Variants in SUGCT observed in about 807,000 individuals in gnomAD.
The protein encoded by SUGCT is succinyl-CoA:glutarate-CoA transferase.
In SUGCT, 41 loss-of-function variants were observed where a neutral mutation model predicts 55.0. The ratio of observed to expected loss-of-function variants is 0.74; its 90% CI spans 0.58 to 0.97. The LOEUF (loss-of-function observed/expected upper bound fraction) is 0.97. SUGCT is among the 50% of genes least tolerant of loss of function. The pLI is 0.00. For synonymous variants in SUGCT, 187 were observed against 200.4 expected, an observed-to-expected ratio of 0.93 and a Z score of 0.56; for missense variants, 568 against 547.8, an observed-to-expected ratio of 1.04 and a Z score of -0.37.
At chr7:40,426,832 GAGAT>G (rs530643004) in intron 9 of SUGCT, among the ~76,000 whole-genome samples, 111 of 152,030 alleles carry the variant, frequency 7.3e-4, no homozygotes, top group African/African-American at 2.6e-3. Context: ...TTTTTTTTAA[GAGAT>G]AGGGTCTTGC....
intron 13 of SUGCT, among the ~76,000 whole-genome samples, chr7:40,787,452 C>T (rs967629477): frequency 6.6e-6 from 1 of 151,276 alleles, no homozygotes; most frequent in Non-Finnish European, 1.5e-5. Context: ...TCAGCACATA[C>T]GGGGCCAAGA....
chr7:40,986,227 A>T, the SUGCT span, among the ~76,000 whole-genome samples: 1 of 152,200 alleles, frequency 6.6e-6, no homozygotes, highest in Non-Finnish European at 1.5e-5. Context: ...ATGTTCAATG[A>T]TTTATTTAAG....
intron 13 of SUGCT, among the ~76,000 whole-genome samples, chr7:40,777,956 C>T (rs1789547129): frequency 6.6e-6 from 1 of 152,138 alleles, no homozygotes; most frequent in Non-Finnish European, 1.5e-5. Context: ...CATAGTCACT[C>T]CCCTCCTCAG....
At chr7:41,036,392 C>T in the SUGCT span, among the ~76,000 whole-genome samples, 16 of 152,104 alleles carry the variant, frequency 1.1e-4, no homozygotes, top group Non-Finnish European at 5.9e-5. Flanking sequence ...GACAAACAAC[C>T]TGGGTTCTAA....
chr7:40,960,774 A>G, the SUGCT span, among the ~76,000 whole-genome samples: 1 of 152,206 alleles, frequency 6.6e-6, no homozygotes, highest in East Asian at 1.9e-4. Flanking sequence ...AGTCTTCAGC[A>G]TTACATCTCA....
At chr7:40,552,042 G>A (rs1319211256) in intron 12 of SUGCT, among the ~76,000 whole-genome samples, 2 of 152,118 alleles carry the variant, frequency 1.3e-5, no homozygotes, top group Non-Finnish European at 2.9e-5. Context: ...CATCTATGAG[G>A]TGCTAGAGAA....
At chr7:40,275,690 C>CT (rs1332612570) in intron 8 of SUGCT, among the ~76,000 whole-genome samples, 22 of 151,294 alleles carry the variant, frequency 1.5e-4, no homozygotes, top group Non-Finnish European at 2.4e-4. Context: ...TAAAGATACA[C>CT]TTTTTTTTTC....
chr7:40,269,104 G>T (rs902970797), intron 7 of SUGCT, among the ~76,000 whole-genome samples: 12 of 152,114 alleles, frequency 7.9e-5, no homozygotes, highest in Non-Finnish European at 1.8e-4. Flanking sequence ...CATCCTTCTT[G>T]ACACTTGTTA....
chr7:40,568,404 A>T (rs941803700), intron 12 of SUGCT, among the ~76,000 whole-genome samples: 21 of 152,170 alleles, frequency 1.4e-4, no homozygotes, highest in African/African-American at 4.6e-4. Context: ...GAAACCTATA[A>T]GGTTTTGTAC....
At chr7:40,583,398 A>G (rs1435929720) in intron 12 of SUGCT, among the ~76,000 whole-genome samples, 6 of 152,018 alleles carry the variant, frequency 3.9e-5, no homozygotes, top group Non-Finnish European at 1.5e-5. Context: ...TTTTCTAATG[A>G]ATACTTTTAG....
intron 10 of SUGCT, among the ~76,000 whole-genome samples, chr7:40,453,910 C>T (rs1454560302): frequency 1.3e-5 from 2 of 152,052 alleles, no homozygotes; most frequent in Non-Finnish European, 2.9e-5. Context: ...ACAAGCATCA[C>T]AAACACTGTT....
At chr7:40,955,252 G>T in the SUGCT span, among the ~76,000 whole-genome samples, 2 of 152,114 alleles carry the variant, frequency 1.3e-5, no homozygotes, top group Non-Finnish European at 2.9e-5. Flanking sequence ...TCACAATATT[G>T]ATTCTTCCTA....
At chr7:40,701,894 C>T (rs376854809) in intron 12 of SUGCT, among the ~76,000 whole-genome samples, 7 of 152,304 alleles carry the variant, frequency 4.6e-5, no homozygotes, top group African/African-American at 1.7e-4. Flanking sequence ...GCTCTAAAAA[C>T]TTAGCCTCAG....
At chr7:40,165,326 G>A (rs1297130506) in intron 1 of SUGCT, among the ~76,000 whole-genome samples, 1 of 151,966 alleles carries the variant, frequency 6.6e-6, no homozygotes, top group African/African-American at 2.4e-5. Flanking sequence ...CACTTGTGTG[G>A]GCATCTGTCA....
At chr7:40,350,715 A>T (rs1011104527) in intron 9 of SUGCT, among the ~76,000 whole-genome samples, 1 of 152,068 alleles carries the variant, frequency 6.6e-6, no homozygotes, top group South Asian at 2.1e-4. Flanking sequence ...ATAGGTATAC[A>T]GGTGCCGTGG....
chr7:40,382,521 G>A (rs778327405), intron 9 of SUGCT, among the ~76,000 whole-genome samples: 7 of 152,116 alleles, frequency 4.6e-5, no homozygotes, highest in East Asian at 1.9e-4. Context: ...AAAGGAGGAC[G>A]TGAAAGAAGA....
At chr7:40,336,782 T>C (rs1201491980) in intron 9 of SUGCT, among the ~76,000 whole-genome samples, 1 of 152,332 alleles carries the variant, frequency 6.6e-6, no homozygotes, top group South Asian at 2.1e-4. Context: ...ATTTCTTGCC[T>C]TCTGCTAGCT....
intron 1 of SUGCT, among the ~76,000 whole-genome samples, chr7:40,141,608 T>C (rs1195832356): frequency 1.4e-5 from 2 of 141,650 alleles, no homozygotes; most frequent in Non-Finnish European, 3.0e-5. Context: ...CACTCTAGCC[T>C]GGGCGACAGA....
the SUGCT span, among the ~76,000 whole-genome samples, chr7:40,889,557 C>T: frequency 6.6e-6 from 1 of 152,110 alleles, no homozygotes; most frequent in East Asian, 1.9e-4. Context: ...TGCTCAGACC[C>T]CCATAATTCA....
Sources: allele counts gnomAD v4.1 joint callset (sites outside exome capture counted in the v4.1 genomes callset), GRCh38; gene constraint gnomAD v4.1.1; transcripts MANE v1.5; gene names NCBI Gene and HGNC (gene_info 2026-07-23, HGNC 2026-07-21).